ZNF69: variants seen among roughly 807,000 people sequenced by gnomAD.
ZNF69 encodes the protein ZNF3.
ZNF69 carries 47 observed loss-of-function variants against 50.9 expected under a neutral mutation model. The ratio of observed to expected loss-of-function variants is 0.92; its 90% CI spans 0.73 to 1.18. The LOEUF (loss-of-function observed/expected upper bound fraction) is 1.18, where lower values mean the gene tolerates loss of function less well. Ranked by LOEUF, ZNF69 falls within the 50% of genes most tolerant of loss-of-function variation. ZNF69 has a pLI of 0.00. For missense variants in ZNF69, 717 were observed against 675.1 expected (o/e 1.06, Z -0.69); for synonymous variants, 216 against 223.1 (o/e 0.97, Z 0.29).
the ZNF69 span, among the ~76,000 whole-genome samples, chr19:11,974,979 A>C: frequency 1.3e-5 from 2 of 152,212 alleles, no homozygotes; most frequent in South Asian, 4.1e-4. Context: ...TTACATGTAC[A>C]GTTGAGATAG....
At chr19:11,945,976 G>A in the ZNF69 span, among the ~76,000 whole-genome samples, 1 of 152,074 alleles carries the variant, frequency 6.6e-6, no homozygotes, top group African/African-American at 2.4e-5. Flanking sequence ...TTTGGATAAG[G>A]GGGTGACCGG....
chr19:11,966,376 GT>G, the ZNF69 span, among the ~76,000 whole-genome samples: 2 of 152,048 alleles, frequency 1.3e-5, no homozygotes, highest in African/African-American at 4.8e-5. Context: ...TACTTTGTTT[GT>G]TTTTGTTTTT....
chr19:11,906,834 C>G (rs1358834645), downstream of ZNF69, among the ~76,000 whole-genome samples: 1 of 152,190 alleles, frequency 6.6e-6, no homozygotes, highest in Non-Finnish European at 1.5e-5. Flanking sequence ...CTTTGACGAG[C>G]TGAGAGAAGA....
chr19:11,896,742 AC>A (rs34534701), intron 1 of ZNF69, among the ~76,000 whole-genome samples: 1 of 151,812 alleles, frequency 6.6e-6, no homozygotes, highest in Non-Finnish European at 1.5e-5. Flanking sequence ...ATGCCGTAAC[AC>A]CCCCCAACCA....
At chr19:11,917,645 T>TTGTTTGTTTGTC, downstream of ZNF69, among the ~76,000 whole-genome samples, 1 of 152,038 alleles carries the variant, frequency 6.6e-6, no homozygotes, top group Non-Finnish European at 1.5e-5. Context: ...ATTTGTTTGT[T>TTGTTTGTTTGTC]TGTCTATTTT....
intron 1 of ZNF69, among the ~76,000 whole-genome samples, chr19:11,891,084 G>A (rs767575923): frequency 1.9e-4 from 29 of 152,110 alleles, no homozygotes; most frequent in Non-Finnish European, 3.4e-4. Context: ...TCTCACACAG[G>A]AAAGAATTCA....
the ZNF69 span, among the ~76,000 whole-genome samples, chr19:11,960,250 A>C: frequency 6.6e-6 from 1 of 151,642 alleles, no homozygotes; most frequent in African/African-American, 2.4e-5. Context: ...AATCTCTTGA[A>C]CTCGTGATCT....
chr19:11,931,309 T>G, the ZNF69 span, among the ~76,000 whole-genome samples: 8 of 148,222 alleles, frequency 5.4e-5, no homozygotes, highest in East Asian at 1.5e-3. Flanking sequence ...AATGATCGTC[T>G]TCTTGTGGTT....
chr19:11,978,326 C>G, the ZNF69 span: 1 of 1,614,070 alleles, frequency 6.2e-7, no homozygotes. Flanking sequence ...ACAAGGCATA[C>G]GAGTATCAGG....
chr19:11,978,575 C>T, the ZNF69 span: 1 of 1,614,172 alleles, frequency 6.2e-7, no homozygotes, highest in Non-Finnish European at 8.5e-7. Context: ...TATATCTTAT[C>T]CATGAAAGAA....
the ZNF69 span, chr19:11,947,600 A>G: frequency 6.3e-7 from 1 of 1,596,516 alleles, no homozygotes; most frequent in Admixed American, 1.7e-5. Context: ...AAGAGAAAGC[A>G]GTGTCTCTCT....
At chr19:11,945,973 A>G in the ZNF69 span, among the ~76,000 whole-genome samples, 1 of 152,078 alleles carries the variant, frequency 6.6e-6, no homozygotes, top group Non-Finnish European at 1.5e-5. Flanking sequence ...CTTTTTGGAT[A>G]AGGGGGTGAC....
the ZNF69 span, among the ~76,000 whole-genome samples, chr19:11,964,524 A>G: frequency 5.3e-5 from 8 of 152,106 alleles, no homozygotes; most frequent in Non-Finnish European, 1.2e-4. Context: ...GAAAATGAAG[A>G]TCTGGAAGCA....
chr19:11,931,676 T>TATGCACAAAATA, the ZNF69 span, among the ~76,000 whole-genome samples: 5 of 148,582 alleles, frequency 3.4e-5, no homozygotes, highest in Admixed American at 6.6e-5. Context: ...AGAGGTTACA[T>TATGCACAAAATA]CATAGTGATA....
the ZNF69 span, chr19:11,949,404 C>T: frequency 1.2e-6 from 2 of 1,613,080 alleles, no homozygotes; most frequent in Non-Finnish European, 1.7e-6. Context: ...CTACCTCACA[C>T]CTTCGAGTGC....
chr19:11,922,509 G>A, the ZNF69 span, among the ~76,000 whole-genome samples: 82 of 152,338 alleles, frequency 5.4e-4, 1 homozygote, highest in South Asian at 1.0e-3. Context: ...TAGGTATGAA[G>A]CAAATATGAG....
the ZNF69 span, chr19:11,978,797 A>T: frequency 2.5e-6 from 4 of 1,614,164 alleles, no homozygotes; most frequent in Non-Finnish European, 3.4e-6. Context: ...AATGTGGCAA[A>T]TCCTTCAGTT....
chr19:11,979,977 C>A, the ZNF69 span: 5 of 1,208,602 alleles, frequency 4.1e-6, no homozygotes, highest in African/African-American at 7.6e-5. Flanking sequence ...GGAGAGAAAC[C>A]CTATGAGTGT....
the ZNF69 span, among the ~76,000 whole-genome samples, chr19:11,952,519 A>G: frequency 6.6e-6 from 1 of 152,234 alleles, no homozygotes; most frequent in African/African-American, 2.4e-5. Flanking sequence ...TAACTTTTAT[A>G]TATTATGCAA....
Sources: allele counts gnomAD v4.1 joint callset (sites outside exome capture counted in the v4.1 genomes callset), GRCh38; gene constraint gnomAD v4.1.1; transcripts MANE v1.5; gene names NCBI Gene and HGNC (gene_info 2026-07-23, HGNC 2026-07-21).